RCAN1: variants seen among roughly 807,000 people sequenced by gnomAD.
The protein encoded by RCAN1 is regulator of calcineurin 1.
In RCAN1, 11 loss-of-function variants were observed where a neutral mutation model predicts 22.9. The observed-to-expected ratio is 0.48, with a 90% CI of 0.30 to 0.79. The LOEUF is 0.79. RCAN1 is among the 30% of genes least tolerant of loss of function. The probability of loss-of-function intolerance (pLI) is 0.06; values close to 1 mark genes in which losing one functional copy is unlikely to be tolerated. For synonymous variants in RCAN1, 136 were observed against 142.3 expected (o/e 0.96, Z 0.32); for missense variants, 291 against 337.8 (o/e 0.86, Z 1.09).
At chr21:34,531,244 A>G (rs1431062825) in intron 1 of RCAN1, among the ~76,000 whole-genome samples, 1 of 152,218 alleles carries the variant, frequency 6.6e-6, no homozygotes, top group Non-Finnish European at 1.5e-5. Context: ...TGAGGTTCAG[A>G]GTGGCACACA....
At chr21:34,583,121 T>C (rs562253681) in intron 1 of RCAN1, among the ~76,000 whole-genome samples, 78 of 152,004 alleles carry the variant, frequency 5.1e-4, no homozygotes, top group African/African-American at 1.8e-3. Flanking sequence ...CAAGTTTATG[T>C]GTTGAAGCCC....
intron 1 of RCAN1, among the ~76,000 whole-genome samples, chr21:34,597,958 A>C (rs1183695622): frequency 1.3e-5 from 2 of 152,222 alleles, no homozygotes; most frequent in Non-Finnish European, 2.9e-5. Context: ...ATATTGAAGA[A>C]TCTAAAACAT....
rs1984224015 is a variant in RCAN1, at chr21:34,518,571, C to G, written c.587-315G>C. ...GATATCTAAACTACCCAGAGAACTC[C>G]CTTTCTGTCAGCATTTCCTCAAGTG... On this transcript the variant is annotated intron_variant, in intron 3 of 3. Transcript: ENST00000313806. The surrounding 1 kb of genome is among the most constrained non-coding windows in gnomAD (Gnocchi z 4.2). Among the ~76,000 whole-genome samples, 1 of 152,214 alleles carries G rather than the reference C, an allele frequency of 6.6e-6. No homozygotes were observed. The highest frequency in any genetic ancestry group is 1.5e-5 in the Non-Finnish European group (1 of 68,044).
chr21:34,536,490 C>T (rs1372330719), intron 1 of RCAN1, among the ~76,000 whole-genome samples: 3 of 152,188 alleles, frequency 2.0e-5, no homozygotes, highest in Non-Finnish European at 4.4e-5. Flanking sequence ...CTTTCACAAC[C>T]CCACGGCTGG....
chr21:34,525,311 C>T (rs779546781), intron 1 of RCAN1: 131 of 1,534,754 alleles, frequency 8.5e-5, no homozygotes, highest in Non-Finnish European at 1.1e-4. Flanking sequence ...TCCTTGCATT[C>T]CCCGGCTTTT....
At chr21:34,583,851 C>T (rs1393877970) in intron 1 of RCAN1, among the ~76,000 whole-genome samples, 3 of 152,152 alleles carry the variant, frequency 2.0e-5, no homozygotes, top group East Asian at 3.8e-4. Flanking sequence ...ACTGCAGAGA[C>T]CTGAAGGCTG....
intron 1 of RCAN1, among the ~76,000 whole-genome samples, chr21:34,534,008 T>C (rs1043089591): frequency 2.6e-5 from 4 of 152,156 alleles, no homozygotes; most frequent in African/African-American, 7.2e-5. Context: ...CCTTTAGCCA[T>C]TGGAAGGACC....
intron 1 of RCAN1, among the ~76,000 whole-genome samples, chr21:34,572,290 C>T (rs1438665990): frequency 6.6e-6 from 1 of 152,158 alleles, no homozygotes; most frequent in Non-Finnish European, 1.5e-5. Flanking sequence ...GTCCCGGACC[C>T]ACTGCTTCTC....
chr21:34,563,028 A>T (rs775138588), intron 1 of RCAN1, among the ~76,000 whole-genome samples: 15 of 152,094 alleles, frequency 9.9e-5, no homozygotes, highest in Admixed American at 7.9e-4. Flanking sequence ...AAACCTTTTA[A>T]CTTCCCCTTA....
intron 1 of RCAN1, among the ~76,000 whole-genome samples, chr21:34,567,222 G>A (rs892718754): frequency 2.6e-5 from 4 of 152,340 alleles, no homozygotes; most frequent in South Asian, 2.1e-4. Context: ...GAGGCTGGGC[G>A]CGGTGGCTCA....
In RCAN1 at chr21:34,614,705, T is replaced by A; in HGVS notation, c.252+55A>T. 1 of 1,329,316 alleles carries A rather than the reference T, an allele frequency of 7.5e-7. No individual in the cohort carries two copies. The highest frequency in any genetic ancestry group is 3.6e-5 in the Admixed American group (1 of 28,078). 82.3% of individuals were successfully genotyped at this position (1,329,316 alleles called of 1,614,324 possible). On this transcript the variant is annotated intron_variant, in intron 1 of 3. Coordinates refer to ENST00000313806, the MANE Select transcript of RCAN1 (RefSeq NM_004414.7). The surrounding 1 kb of genome is among the most constrained non-coding windows in gnomAD (Gnocchi z 6.0). ...GGGCGCTGCGACCCGCGCCGCCTCCTCGGGCAACAAGTGTCCGCCCTCCGC... is the reference window on the plus strand; with the variant it reads ...GGGCGCTGCGACCCGCGCCGCCTCCACGGGCAACAAGTGTCCGCCCTCCGC...
At chr21:34,547,702 G>A (rs984486378) in intron 1 of RCAN1, among the ~76,000 whole-genome samples, 1 of 152,130 alleles carries the variant, frequency 6.6e-6, no homozygotes, top group African/African-American at 2.4e-5. Flanking sequence ...CCTGGGAGTG[G>A]GCTCCTGATA....
intron 1 of RCAN1, among the ~76,000 whole-genome samples, chr21:34,572,595 T>G (rs1987271041): frequency 6.6e-6 from 1 of 152,174 alleles, no homozygotes; most frequent in Non-Finnish European, 1.5e-5. Context: ...TCAAAACCAC[T>G]GAGCTTGACC....
chr21:34,594,349 T>C (rs1988077643), intron 1 of RCAN1, among the ~76,000 whole-genome samples: 1 of 152,072 alleles, frequency 6.6e-6, no homozygotes, highest in Non-Finnish European at 1.5e-5. Flanking sequence ...GTCAAGAGAT[T>C]GAGACCATCC....
chr21:34,611,022 A>G (rs959741795), intron 1 of RCAN1, among the ~76,000 whole-genome samples: 2 of 152,208 alleles, frequency 1.3e-5, no homozygotes, highest in African/African-American at 4.8e-5. Flanking sequence ...CAGACAACTG[A>G]AAAAAGGGTA....
chr21:34,591,864 C>G (rs1034088046), intron 1 of RCAN1, among the ~76,000 whole-genome samples: 1 of 152,140 alleles, frequency 6.6e-6, no homozygotes, highest in Non-Finnish European at 1.5e-5. Flanking sequence ...ACAACATGAC[C>G]GGGATTTCAG....
intron 1 of RCAN1, among the ~76,000 whole-genome samples, chr21:34,546,635 A>G (rs866043651): frequency 6.6e-6 from 1 of 152,220 alleles, no homozygotes; most frequent in Admixed American, 6.5e-5. Context: ...GCATGCTCAC[A>G]TACTAACAAT....
In RCAN1 at chr21:34,545,526, C is replaced by T. The variant is rs191124457; in HGVS notation, c.253-21816G>A. 1.2e-4 allele frequency among the ~76,000 whole-genome samples: 18 copies of T among 152,320 alleles called. No individual in the cohort carries two copies. In the East Asian group the frequency reaches 3.5e-3, roughly 29 times the overall value. On this transcript the variant is annotated intron_variant, in intron 1 of 3. Coordinates refer to ENST00000313806, the MANE Select transcript of RCAN1 (RefSeq NM_004414.7). ...ACACTGAGAAAATAGATGTGACCCCCAGTATGCTTCCTTGAAGAAGTGGGG... is the reference window on the plus strand; with the variant it reads ...ACACTGAGAAAATAGATGTGACCCCTAGTATGCTTCCTTGAAGAAGTGGGG...
intron 1 of RCAN1, among the ~76,000 whole-genome samples, chr21:34,605,232 G>A (rs1988485256): frequency 6.6e-6 from 1 of 152,208 alleles, no homozygotes; most frequent in Non-Finnish European, 1.5e-5. Flanking sequence ...AACTGGCTTA[G>A]CCTCTCAGCC....
Sources: gnomAD v4.1 joint callset for allele counts (sites outside exome capture counted in the v4.1 genomes callset) on GRCh38, gnomAD v4.1.1 for gene constraint, Gnocchi (gnomAD v3.1) non-coding constraint, MANE v1.5 for transcripts, NCBI Gene and HGNC (gene_info 2026-07-23, HGNC 2026-07-21) for gene names.